The following PTPRR variants were observed in gnomAD, a reference collection of about 807,000 sequenced individuals.
The protein encoded by PTPRR is receptor-type tyrosine-protein phosphatase R.
Under a neutral mutation model 77.2 loss-of-function variants are expected in PTPRR, and 38 were observed. The ratio of observed to expected loss-of-function variants is 0.49; its 90% CI spans 0.38 to 0.65. The LOEUF (loss-of-function observed/expected upper bound fraction) is 0.65, where lower values mean the gene tolerates loss of function less well. Ranked by LOEUF, PTPRR falls within the 30% of genes least tolerant of loss-of-function variation. PTPRR has a pLI of 0.00. For missense variants in PTPRR, 744 were observed against 799.2 expected (o/e 0.93, Z 0.83); for synonymous variants, 299 against 283.1 (o/e 1.06, Z -0.57).
chr12:70,764,175 C>A (rs970495585), intron 3 of PTPRR, among the ~76,000 whole-genome samples: 1 of 151,920 alleles, frequency 6.6e-6, no homozygotes, highest in Non-Finnish European at 1.5e-5. Flanking sequence ...GTCCATTGTT[C>A]TACTGATATA....
At chr12:70,900,500 G>A (rs1383214921) in intron 1 of PTPRR, among the ~76,000 whole-genome samples, 1 of 151,280 alleles carries the variant, frequency 6.6e-6, no homozygotes. Context: ...AAAAGCACAG[G>A]CAACTGAAGC....
intron 2 of PTPRR, among the ~76,000 whole-genome samples, chr12:70,793,120 T>A (rs1891450792): frequency 6.6e-6 from 1 of 152,146 alleles, no homozygotes; most frequent in Admixed American, 6.6e-5. Context: ...AAGGAAAATT[T>A]TTATCTTATT....
Position 70,907,113 on chromosome 12 carries a change from C to T in PTPRR, c.58+13220G>A, listed in dbSNP as rs571278042. On this transcript the variant is annotated intron_variant, in intron 1 of 13. Transcript: ENST00000283228. The stretch of plus-strand genomic sequence containing the variant: ...GCTACTAAGATGTGAAAATATAATT[C>T]TACCAGGAAGTGTTGTGACATTCTT... 5 of 152,342 alleles carry T rather than the reference C, an allele frequency of 3.3e-5. No homozygotes were observed. The East Asian group carries it at 7.7e-4, about 24-fold the overall frequency. 9.4% of individuals were successfully genotyped at this position (152,342 alleles called of 1,614,324 possible).
chr12:70,674,819 T>A lies in PTPRR; in HGVS notation c.1497+9308A>T, dbSNP rs139241378. The stretch of plus-strand genomic sequence containing the variant: ...TTTGTCTGCTTAATAAATACTAATA[T>A]CTGATTTTTATTGGGTTTTCTCCCA... On this transcript the variant is annotated intron_variant, in intron 10 of 13. Transcript: ENST00000283228. Among the ~76,000 whole-genome samples the A allele has an allele frequency of 3.7e-3, 567 of 152,302 alleles. 7 individuals are homozygous for A. The highest frequency in any genetic ancestry group is 0.013 in the African/African-American group (548 of 41,598).
intron 10 of PTPRR, among the ~76,000 whole-genome samples, chr12:70,675,748 TG>T (rs1393234221): frequency 2.0e-5 from 3 of 151,984 alleles, no homozygotes; most frequent in Non-Finnish European, 4.4e-5. Context: ...TTACCATTTT[TG>T]TTAGTTTGAA....
chr12:70,660,916 C>A, intron 12 of PTPRR, 24 bp downstream of exon 12: 1 of 1,593,544 alleles, frequency 6.3e-7, no homozygotes, highest in Non-Finnish European at 8.5e-7. Context: ...ATTGCTTAGA[C>A]AGAAAGGACC....
At chr12:70,854,152 C>G (rs536257658) in intron 2 of PTPRR, among the ~76,000 whole-genome samples, 3 of 152,312 alleles carry the variant, frequency 2.0e-5, no homozygotes, top group Admixed American at 6.5e-5. Flanking sequence ...GGATAACTTT[C>G]TCTCCCCTTT....
At chr12:70,887,756 G>A (rs1304719429) in intron 2 of PTPRR, among the ~76,000 whole-genome samples, 1 of 151,994 alleles carries the variant, frequency 6.6e-6, no homozygotes, top group Admixed American at 6.6e-5. Context: ...TCAAGGAGAG[G>A]TGGAGTGGTA....
intron 2 of PTPRR, among the ~76,000 whole-genome samples, chr12:70,777,794 G>A (rs908999320): frequency 6.6e-6 from 1 of 152,182 alleles, no homozygotes; most frequent in Non-Finnish European, 1.5e-5. Context: ...CCAGATCACT[G>A]CGTGGAGAAG....
At chr12:70,765,019 T>C (rs999696738) in intron 2 of PTPRR, among the ~76,000 whole-genome samples, 2 of 152,226 alleles carry the variant, frequency 1.3e-5, no homozygotes, top group Non-Finnish European at 2.9e-5. Flanking sequence ...AGATGTATTA[T>C]AGGGGTGGAG....
In PTPRR at chr12:70,892,805, G is replaced by A; in HGVS notation, c.231C>T (p.Arg77=). The change falls in exon 2 of 14, where the codon CGC becomes CGT. Residue 77 remains arginine, a synonymous_variant. Coordinates refer to ENST00000283228, the MANE Select transcript of PTPRR (RefSeq NM_002849.4). The stretch of plus-strand genomic sequence containing the variant: ...GAAATGCTGAATTGACAATCTGGTG[G>A]CGTTTGCTTACTTGAGCTTCGGAAG... The part of the protein sequence containing the change: ...HSSSEAQVSK[R]HQIVNSAFPR... 1 of 1,613,574 alleles carries A rather than the reference G, an allele frequency of 6.2e-7. No homozygotes were observed. Among genetic ancestry groups the A allele is most frequent in the South Asian group, 1.1e-5 (1 of 91,080 alleles).
intron 5 of PTPRR, among the ~76,000 whole-genome samples, chr12:70,748,579 T>C (rs1159365535): frequency 1.3e-5 from 2 of 152,102 alleles, no homozygotes; most frequent in Non-Finnish European, 2.9e-5. Context: ...TGAGAGGAGC[T>C]GTAAAACTCA....
chr12:70,897,509 G>A (rs1359838696), intron 1 of PTPRR, among the ~76,000 whole-genome samples: 2 of 151,670 alleles, frequency 1.3e-5, no homozygotes, highest in Non-Finnish European at 2.9e-5. Context: ...GAAACAACAG[G>A]TGCTGGAGAG....
chr12:70,683,124 T>C (rs1887735805), intron 10 of PTPRR, among the ~76,000 whole-genome samples: 1 of 152,180 alleles, frequency 6.6e-6, no homozygotes. Flanking sequence ...TGATGTCCAT[T>C]AGCAGCAGGA....
chr12:70,653,872 G>A (rs77384727), intron 13 of PTPRR, among the ~76,000 whole-genome samples: 4,722 of 152,148 alleles, frequency 0.031, 97 homozygotes, highest in Non-Finnish European at 0.046. Flanking sequence ...AATGTTAATC[G>A]CCATGATGAA....
At chr12:70,742,633 A>G (rs1035863144) in intron 6 of PTPRR, among the ~76,000 whole-genome samples, 8 of 152,218 alleles carry the variant, frequency 5.3e-5, no homozygotes, top group Non-Finnish European at 1.2e-4. Flanking sequence ...AATTTTATAA[A>G]GAGAAAAACA....
At chr12:70,644,265 G>A (rs572464711) in intron 13 of PTPRR, among the ~76,000 whole-genome samples, 11 of 152,164 alleles carry the variant, frequency 7.2e-5, no homozygotes, top group African/African-American at 1.2e-4. Context: ...TCCAGTACAC[G>A]TTTGTTTTCC....
intron 6 of PTPRR, among the ~76,000 whole-genome samples, chr12:70,733,716 T>C (rs1889767730): frequency 6.6e-6 from 1 of 152,074 alleles, no homozygotes; most frequent in Non-Finnish European, 1.5e-5. Context: ...TTATAAGATT[T>C]CCAGAAAAAG....
At chr12:70,823,103 T>TGACA (rs1417437415) in intron 2 of PTPRR, among the ~76,000 whole-genome samples, 13 of 121,382 alleles carry the variant, frequency 1.1e-4, no homozygotes, top group Admixed American at 7.6e-4. Flanking sequence ...GCTGTCTCTC[T>TGACA]CTCTGACACA....
Sources: gnomAD v4.1 joint callset for allele counts (sites outside exome capture counted in the v4.1 genomes callset) on GRCh38, gnomAD v4.1.1 for gene constraint, MANE v1.5 for transcripts, NCBI Gene and HGNC (gene_info 2026-07-23, HGNC 2026-07-21) for gene names.